Variants in PHF21B observed in about 807,000 individuals in gnomAD.
PHF21B encodes the protein PHD finger protein 4.
A neutral mutation model predicts 62.2 loss-of-function variants in PHF21B; 22 were observed. The observed-to-expected ratio is 0.35, with a 90% CI of 0.25 to 0.51. PHF21B has a LOEUF of 0.51. Ranked by LOEUF, PHF21B falls within the 20% of genes least tolerant of loss-of-function variation. PHF21B has a pLI of 0.97. For missense variants in PHF21B, 701 were observed against 707.9 expected (o/e 0.99, Z 0.11); for synonymous variants, 341 against 314.7 (o/e 1.08, Z -0.88).
chr22:44,978,941 G>C (rs1324004538), intron 2 of PHF21B, among the ~76,000 whole-genome samples: 1 of 152,222 alleles, frequency 6.6e-6, no homozygotes, highest in African/African-American at 2.4e-5. Context: ...CACTGGCCCC[G>C]GGGAGAAAAC....
intron 2 of PHF21B, among the ~76,000 whole-genome samples, chr22:44,964,633 G>A (rs2072490418): frequency 6.6e-6 from 1 of 152,256 alleles, no homozygotes; most frequent in Non-Finnish European, 1.5e-5. Context: ...GAGGTCTTTG[G>A]GGAAAAGTTT....
chr22:44,925,781 T>A (rs2071617528), intron 2 of PHF21B, among the ~76,000 whole-genome samples: 1 of 152,026 alleles, frequency 6.6e-6, no homozygotes, highest in South Asian at 2.1e-4. Context: ...ATGGGGATTG[T>A]CCTCCCCATT....
At chr22:44,926,873 C>T (rs982111033) in intron 2 of PHF21B, among the ~76,000 whole-genome samples, 1 of 152,038 alleles carries the variant, frequency 6.6e-6, no homozygotes, top group African/African-American at 2.4e-5. Context: ...TGTGTCTGGG[C>T]GTTGCTCAGC....
chr22:44,904,506 G>GTTGGCAGTGA lies in PHF21B; in HGVS notation c.832-8424_832-8423insTCACTGCCAA, dbSNP rs1555934863. Among the ~76,000 whole-genome samples the GTTGGCAGTGA allele has an allele frequency of 6.0e-3, 860 of 143,094 alleles. 14 individuals are homozygous for GTTGGCAGTGA. Among genetic ancestry groups the GTTGGCAGTGA allele is most frequent in the East Asian group, 0.012 (38 of 3,204 alleles). 93.9% of individuals were successfully genotyped at this position (143,094 alleles called of 152,430 possible). ...TGCTCTTGAAAAACAACTTAACTGA[G>GTTGGCAGTGA]CTTCCAGAAGGAACAGAGCAGCTAC... On this transcript the variant is annotated intron_variant, in intron 5 of 12. Coordinates refer to ENST00000313237, the MANE Select transcript of PHF21B (RefSeq NM_138415.5).
chr22:44,896,066 T>C lies in PHF21B; in HGVS notation c.849A>G (p.Val283=), dbSNP rs1456951956. 81 of 1,614,042 alleles carry C rather than the reference T, an allele frequency of 5.0e-5. No individual in the cohort carries two copies. The highest frequency in any genetic ancestry group is 6.7e-5 in the Non-Finnish European group (79 of 1,180,036). ...QENPEKIAFM[V]ALGLVTTEHL... ...GTTCCGTGGTAACCAGGCCTAGCGCTACCATGAAGGCGATTTTCTGAGGGA... is the reference window on the plus strand; with the variant it reads ...GTTCCGTGGTAACCAGGCCTAGCGCCACCATGAAGGCGATTTTCTGAGGGA... The change falls in exon 6 of 13, where the codon GTA becomes GTG. Residue 283 remains valine, a synonymous_variant. Coordinates refer to ENST00000313237, the MANE Select transcript of PHF21B (RefSeq NM_138415.5).
chr22:44,933,518 TC>T, intron 2 of PHF21B: 1 of 985,458 alleles, frequency 1.0e-6, no homozygotes, highest in Non-Finnish European at 1.2e-6. Context: ...CTGCCCGCGA[TC>T]TGGGGAAACA....
chr22:44,922,981 G>A (rs1441061267), intron 2 of PHF21B, among the ~76,000 whole-genome samples: 3 of 152,062 alleles, frequency 2.0e-5, no homozygotes, highest in Non-Finnish European at 4.4e-5. Context: ...GATGATTTTA[G>A]AATGCATATG....
Position 44,913,990 on chromosome 22 carries a change from G to C in PHF21B, c.663C>G (p.Ser221=), listed in dbSNP as rs772774018. ...LPLTPPSPSL[S]PSPLHGIFQV... is the part of the protein sequence containing the mutation. ...GGAAGATGCCATGGAGGGGTGAAGG[G>C]GACAGTGATGGGGAGGGAGGGGTGA... The change falls in exon 5 of 13, where the codon TCC becomes TCG. Residue 221 remains serine (S), a synonymous_variant. Transcript: ENST00000313237. 1 of 1,593,444 alleles carries C rather than the reference G, an allele frequency of 6.3e-7. No individual in the cohort carries two copies. Among genetic ancestry groups the C allele is most frequent in the South Asian group, 1.1e-5 (1 of 90,354 alleles).
intron 4 of PHF21B, among the ~76,000 whole-genome samples, chr22:44,914,562 G>A (rs1185194147): frequency 6.6e-6 from 1 of 152,268 alleles, no homozygotes; most frequent in African/African-American, 2.4e-5. Flanking sequence ...AGGAGGCAGA[G>A]GAGCTGGGAA....
intron 2 of PHF21B, chr22:45,008,196 C>T (rs868851584): frequency 4.8e-6 from 1 of 208,580 alleles, no homozygotes; most frequent in African/African-American, 2.3e-5. Context: ...CGGCCGCCCC[C>T]CTCCGCCCCC....
At chr22:44,995,608 G>A (rs976642158) in intron 2 of PHF21B, among the ~76,000 whole-genome samples, 3 of 152,126 alleles carry the variant, frequency 2.0e-5, no homozygotes, top group African/African-American at 7.2e-5. Flanking sequence ...TAGAACCAAG[G>A]TCTTGAATCT....
At chr22:45,001,669 C>T (rs775158721) in intron 2 of PHF21B, among the ~76,000 whole-genome samples, 8 of 152,246 alleles carry the variant, frequency 5.3e-5, no homozygotes, top group Non-Finnish European at 8.8e-5. Flanking sequence ...ACCGCTACTT[C>T]CATATCCCCA....
In PHF21B at chr22:44,913,971, T is replaced by C. The variant is rs145714058; in HGVS notation, c.682A>G (p.Ile228Val). Residue 228 changes from isoleucine to valine, a missense_variant, in exon 5 of 13, where the codon ATC becomes GTC. Coordinates refer to ENST00000313237, the MANE Select transcript of PHF21B (RefSeq NM_138415.5). ...PSLSPSPLHG[I>V]FQVIIIQPQV... Reference sequence around the variant, plus strand: ...GGCTGAATGATGATGACCTGGAAGATGCCATGGAGGGGTGAAGGGGACAGT... The same window carrying C: ...GGCTGAATGATGATGACCTGGAAGACGCCATGGAGGGGTGAAGGGGACAGT... 894 of 1,376,114 alleles carry C rather than the reference T, an allele frequency of 6.5e-4. 6 individuals are homozygous for C. The African/African-American group carries it at 0.013, about 21-fold the overall frequency. The allele number at this position is 1,376,114 out of a possible 1,614,324, so 85.2% of individuals were successfully genotyped here. A position where few individuals can be genotyped will look rare whatever the true frequency, so the allele number is the denominator to read the frequency against.
chr22:44,949,137 A>T (rs530540278), intron 2 of PHF21B, among the ~76,000 whole-genome samples: 262 of 152,220 alleles, frequency 1.7e-3, no homozygotes, highest in African/African-American at 6.1e-3. Flanking sequence ...CCCCGTCTCT[A>T]CTAAAAATAC....
intron 2 of PHF21B, among the ~76,000 whole-genome samples, chr22:44,974,395 CAG>C (rs2072697198): frequency 6.7e-6 from 1 of 148,364 alleles, no homozygotes; most frequent in Non-Finnish European, 1.5e-5. Flanking sequence ...GCCTGGGCGA[CAG>C]AGACCCTGTC....
intron 5 of PHF21B, among the ~76,000 whole-genome samples, chr22:44,912,031 T>C (rs1387978376): frequency 6.6e-6 from 1 of 152,246 alleles, no homozygotes; most frequent in Non-Finnish European, 1.5e-5. Flanking sequence ...GGAGATAATT[T>C]TGGAGCTTTA....
chr22:44,916,945 T>C (rs1034615448), intron 3 of PHF21B, among the ~76,000 whole-genome samples: 1 of 152,230 alleles, frequency 6.6e-6, no homozygotes, highest in Non-Finnish European at 1.5e-5. Flanking sequence ...GGACAGTCTG[T>C]GCAGTGTGAC....
intron 2 of PHF21B, among the ~76,000 whole-genome samples, chr22:44,990,157 C>T (rs2073020130): frequency 6.6e-6 from 1 of 152,192 alleles, no homozygotes; most frequent in African/African-American, 2.4e-5. Flanking sequence ...AAAACCATGG[C>T]TCCCACAGTC....
rs58949305 is a variant in PHF21B, at chr22:44,959,963, G to A, written c.121-39473C>T. Among the ~76,000 whole-genome samples, 858 of 152,292 alleles carry A rather than the reference G, an allele frequency of 5.6e-3. 11 individuals carry two copies. Among genetic ancestry groups the A allele is most frequent in the African/African-American group, 0.02 (825 of 41,564 alleles). On this transcript the variant is annotated intron_variant, in intron 2 of 12. Transcript: ENST00000313237. ...AGTCAGGGCAGCGCCTCCAGGAAGC[G>A]CTCTGAGCAGGGCCAGTCTCCACCC...
Sources: allele counts gnomAD v4.1 joint callset (sites outside exome capture counted in the v4.1 genomes callset), GRCh38; gene constraint gnomAD v4.1.1; transcripts MANE v1.5; gene names NCBI Gene and HGNC (gene_info 2026-07-23, HGNC 2026-07-21).